RNF19A: variants seen among roughly 807,000 people sequenced by gnomAD.
RNF19A encodes the protein E3 ubiquitin-protein ligase RNF19A.
RNF19A carries 32 observed loss-of-function variants against 75.7 expected under a neutral mutation model. The ratio of observed to expected loss-of-function variants is 0.42; its 90% CI spans 0.32 to 0.57. The LOEUF is 0.57. RNF19A is among the 20% of genes least tolerant of loss of function. RNF19A has a pLI of 0.10. For missense variants in RNF19A, 782 were observed against 1,036.3 expected, an observed-to-expected ratio of 0.75 and a Z score of 3.37; for synonymous variants, 335 against 345.2, an observed-to-expected ratio of 0.97 and a Z score of 0.33.
chr8:100,290,077 C>G (rs1410957647), intron 1 of RNF19A, among the ~76,000 whole-genome samples: 2 of 152,122 alleles, frequency 1.3e-5, no homozygotes, highest in East Asian at 3.8e-4. Context: ...TGTTAGGAGT[C>G]AGGATTGTGG....
In RNF19A at chr8:100,275,767, T is replaced by C. The variant is rs1332122312; in HGVS notation, c.675-606A>G. Among the ~76,000 whole-genome samples the C allele has an allele frequency of 1.3e-5, 2 of 152,122 alleles. No homozygotes were observed. The highest frequency in any genetic ancestry group is 2.9e-5 in the Non-Finnish European group (2 of 68,020). On this transcript the variant is annotated intron_variant, in intron 2 of 9. Coordinates refer to ENST00000341084, the MANE Select transcript of RNF19A (RefSeq NM_183419.4). The surrounding 1 kb of genome is among the most constrained non-coding windows in gnomAD (Gnocchi z 4.3). Reference sequence around the variant, plus strand: ...GATTTTCTACAATTACTTGTTGAAGTGGAAAAAGTTAAAAGAAAAAAAGAT... The same window carrying C: ...GATTTTCTACAATTACTTGTTGAAGCGGAAAAAGTTAAAAGAAAAAAAGAT...
intron 1 of RNF19A, among the ~76,000 whole-genome samples, chr8:100,289,442 A>G (rs1391558968): frequency 6.6e-6 from 1 of 152,256 alleles, no homozygotes; most frequent in Non-Finnish European, 1.5e-5. Context: ...CACAGTGCCC[A>G]GACTATGTAA....
intron 1 of RNF19A, among the ~76,000 whole-genome samples, chr8:100,290,104 G>C (rs1821218453): frequency 6.6e-6 from 1 of 152,126 alleles, no homozygotes; most frequent in Non-Finnish European, 1.5e-5. Flanking sequence ...TTTGTGGTGA[G>C]GCACAAAGGG....
At position 100,306,956 on chromosome 8, in the gene RNF19A, A is replaced by C. The variant is rs139247062; in HGVS notation, c.-94+2911T>G. Among the ~76,000 whole-genome samples the C allele has an allele frequency of 3.4e-3, 520 of 152,312 alleles. 2 individuals carry two copies. Among genetic ancestry groups the C allele is most frequent in the African/African-American group, 0.012 (484 of 41,568 alleles). On this transcript the variant is annotated intron_variant, in intron 1 of 9. Transcript: ENST00000341084. ...TAAATAGCTTTTAAGCTGAAGTACT[A>C]CTCCATATATAATCATGGGTCCTTT...
chr8:100,263,981 C>G, intron 7 of RNF19A, 53 bp downstream of exon 7: 1 of 1,481,822 alleles, frequency 6.7e-7, no homozygotes, highest in South Asian at 1.2e-5. Context: ...CTGGCCTCCC[C>G]ACTACTTACA....
In RNF19A at chr8:100,325,475, C is replaced by A. The variant is rs536695661; in HGVS notation, c.-243+10633G>T. On this transcript the variant is annotated intron_variant, in intron 1 of 3. Transcript: ENST00000519527. The surrounding 1 kb of genome is among the most constrained non-coding windows in gnomAD (Gnocchi z 4.3). ...TGCTGGTGAGACCACACCTTGTCACCTCTAGGTCCTCCCTTTTCAGTAAGT... is the reference window on the plus strand; with the variant it reads ...TGCTGGTGAGACCACACCTTGTCACATCTAGGTCCTCCCTTTTCAGTAAGT... Among the ~76,000 whole-genome samples, 1 of 152,174 alleles carries A rather than the reference C, an allele frequency of 6.6e-6. No homozygotes were observed.
intron 1 of RNF19A, chr8:100,309,505 G>T (rs1459504228): frequency 3.0e-6 from 3 of 985,438 alleles, no homozygotes; most frequent in Non-Finnish European, 3.6e-6. Context: ...AGCTCGAGGG[G>T]AGCGCCGCCT....
chr8:100,269,046 ATAGT>A lies in RNF19A; in HGVS notation c.1029-103_1029-100del, dbSNP rs1266224606. Reference sequence around the variant, plus strand: ...CAATGACTATTTTTAAAAACTTCTCATAGTTAGGAGCTTTTTTCCCCTTTAAATT... The same window carrying A: ...CAATGACTATTTTTAAAAACTTCTCATAGGAGCTTTTTTCCCCTTTAAATT... On this transcript the variant is annotated intron_variant, in intron 4 of 9. Coordinates refer to ENST00000341084, the MANE Select transcript of RNF19A (RefSeq NM_183419.4). This position sits in a 1 kb window ranked among gnomAD's most constrained non-coding sequence, Gnocchi z 5.7. The A allele has an allele frequency of 3.6e-5, 32 of 893,554 alleles. No individual in the cohort carries two copies. The highest frequency in any genetic ancestry group is 5.2e-5 in the African/African-American group (3 of 57,774). 55.4% of individuals were successfully genotyped at this position (893,554 alleles called of 1,614,324 possible). A position where few individuals can be genotyped will look rare whatever the true frequency, so the allele number is the denominator to read the frequency against.
intron 1 of RNF19A, among the ~76,000 whole-genome samples, chr8:100,303,751 T>A: frequency 8.6e-6 from 1 of 115,926 alleles, no homozygotes; most frequent in East Asian, 2.4e-4. Flanking sequence ...TGGCAAAACC[T>A]CGCCGCTTGT....
intron 1 of RNF19A, among the ~76,000 whole-genome samples, chr8:100,300,994 CCTT>C (rs1821798822): frequency 6.6e-6 from 1 of 152,220 alleles, no homozygotes; most frequent in Non-Finnish European, 1.5e-5. Flanking sequence ...TGAAACCTAT[CCTT>C]CTAGTGACTC....
intron 1 of RNF19A, among the ~76,000 whole-genome samples, chr8:100,334,616 T>C (rs1376700001): frequency 2.0e-5 from 3 of 152,186 alleles, no homozygotes; most frequent in African/African-American, 7.2e-5. Context: ...TCCAGAATTT[T>C]ATTGGTCTAA....
Position 100,287,840 on chromosome 8 carries a change from T to G in RNF19A, c.335A>C (p.Asn112Thr), listed in dbSNP as rs1178267252. Residue 112 changes from asparagine (N) to threonine (T), a missense_variant, in exon 2 of 10, where the codon AAT becomes ACT. Physicochemically the swap from Asn to Thr is moderately conservative, Grantham distance 65. Around this residue, in one of 7 missense-constraint regions of RNF19A, gnomAD observed 148 missense variants for 147.9 expected, o/e 1.00. Transcript: ENST00000341084. The surrounding 1 kb of genome is among the most constrained non-coding windows in gnomAD (Gnocchi z 4.1). ...CTDKNSIFST[N>T]TSSDNGLTSI... The stretch of plus-strand genomic sequence containing the variant: ...AGTTAATCCATTGTCAGAAGAGGTA[T>G]TTGTAGAGAAAATGGAGTTCTTATC... 2 of 1,614,182 alleles carry G rather than the reference T, an allele frequency of 1.2e-6. No homozygotes were observed. Among genetic ancestry groups the G allele is most frequent in the East Asian group, 4.5e-5 (2 of 44,884 alleles).
In RNF19A at chr8:100,259,941, C is replaced by T; in HGVS notation, c.1739G>A (p.Gly580Asp). 6.2e-7 allele frequency: 1 copy of T among 1,613,876 alleles called. No homozygotes were observed. The highest frequency in any genetic ancestry group is 8.5e-7 in the Non-Finnish European group (1 of 1,179,822). ...ACTAACTGTTCCCAAGCTGACTGTGCCAGATTCTCCACTTAGACTGTACCG... is the reference window on the plus strand; with the variant it reads ...ACTAACTGTTCCCAAGCTGACTGTGTCAGATTCTCCACTTAGACTGTACCG... ...KERYSLSGES[G>D]TVSLGTVSDN... The change falls in exon 9 of 10, where the codon GGC becomes GAC. Residue 580 changes from glycine (G) to aspartate (D), a missense_variant. Coordinates refer to ENST00000341084, the MANE Select transcript of RNF19A (RefSeq NM_183419.4). This position sits in a 1 kb window ranked among gnomAD's most constrained non-coding sequence, Gnocchi z 4.5.
rs1219850092 is a variant in RNF19A, at chr8:100,275,729, T to C, written c.675-568A>G. ...GGGTTTTAATTTTCTTGTTTATATG[T>C]TTATACATTTCTGATTTTCTACAAT... On this transcript the variant is annotated intron_variant, in intron 2 of 9. Coordinates refer to ENST00000341084, the MANE Select transcript of RNF19A (RefSeq NM_183419.4). The surrounding 1 kb of genome is among the most constrained non-coding windows in gnomAD (Gnocchi z 4.3). Among the ~76,000 whole-genome samples the C allele has an allele frequency of 6.6e-6, 1 of 152,212 alleles. No individual in the cohort carries two copies. The highest frequency in any genetic ancestry group is 2.4e-5 in the African/African-American group (1 of 41,464).
upstream of RNF19A, chr8:100,310,068 G>C (rs1175334381): frequency 1.3e-5 from 13 of 985,436 alleles, no homozygotes; most frequent in Non-Finnish European, 1.4e-5. Context: ...GTGGCTCGAC[G>C]GCTGCTCCCG....
Position 100,258,828 on chromosome 8 carries a change from C to G in RNF19A, c.2245G>C (p.Asp749His). The G allele has an allele frequency of 6.2e-7, 1 of 1,614,176 alleles. No individual in the cohort carries two copies. Among genetic ancestry groups the G allele is most frequent in the Non-Finnish European group, 8.5e-7 (1 of 1,180,032 alleles). ...ACAGTAGCAAAGCGGGTGTGATAAT[C>G]ACTGGAACCATGACTACAAGAAGTT... is the stretch of plus-strand genomic sequence containing the variant. ...MKTSCSHGSS[D>H]YHTRFATVNI... Residue 749 changes from aspartate (D) to histidine (H), a missense_variant, in exon 10 of 10, where the codon GAT becomes CAT. Transcript: ENST00000341084. The surrounding 1 kb of genome is among the most constrained non-coding windows in gnomAD (Gnocchi z 4.3).
intron 1 of RNF19A, chr8:100,309,475 C>A (rs1822202632): frequency 1.3e-5 from 13 of 985,446 alleles, no homozygotes; most frequent in Non-Finnish European, 1.3e-5. Context: ...TGGGTCTCCC[C>A]CGCTTTAGGG....
In RNF19A at chr8:100,323,622, A is replaced by G. The variant is rs1218995245; in HGVS notation, c.-242-10250T>C. ...CTACCTTTGCCAGGGGAATCCCATT[A>G]GAAATGTGTTAGAGGAAGACATATT... On this transcript the variant is annotated intron_variant, in intron 1 of 3. Coordinates refer to the RNF19A transcript ENST00000519527. The surrounding 1 kb of genome is among the most constrained non-coding windows in gnomAD (Gnocchi z 4.6). Among the ~76,000 whole-genome samples the G allele has an allele frequency of 1.3e-5, 2 of 152,258 alleles. No homozygotes were observed. The highest frequency in any genetic ancestry group is 4.1e-4 in the South Asian group (2 of 4,836).
intron 1 of RNF19A, among the ~76,000 whole-genome samples, chr8:100,292,469 T>C (rs904960035): frequency 3.3e-5 from 5 of 151,668 alleles, no homozygotes; most frequent in Admixed American, 2.6e-4. Flanking sequence ...TGTGTGTGTG[T>C]ACGTATAAAT....
Sources: gnomAD v4.1 joint callset for allele counts (sites outside exome capture counted in the v4.1 genomes callset) on GRCh38, gnomAD v4.1.1 for gene constraint, gnomAD v4.1.1 regional missense constraint, Gnocchi (gnomAD v3.1) non-coding constraint, MANE v1.5 for transcripts, NCBI Gene and HGNC (gene_info 2026-07-23, HGNC 2026-07-21) for gene names.